The following LIN54 variants were observed in gnomAD, a reference collection of about 807,000 sequenced individuals.
LIN54 encodes the protein protein lin-54 homolog.
A neutral mutation model predicts 78.7 loss-of-function variants in LIN54; 9 were observed. That is an observed-to-expected ratio of 0.11 (90% confidence interval 0.07 to 0.20). The LOEUF is 0.20. Ranked by LOEUF, LIN54 falls within the 10% of genes least tolerant of loss-of-function variation. The pLI, the probability that LIN54 is intolerant of heterozygous loss-of-function variation, is 1.00. For missense variants in LIN54, 573 were observed against 889.9 expected (o/e 0.64, Z 4.53); for synonymous variants, 269 against 318.4 (o/e 0.84, Z 1.65).
chr4:82,990,375 C>G (rs1328708046), intron 1 of LIN54, among the ~76,000 whole-genome samples: 2 of 152,194 alleles, frequency 1.3e-5, no homozygotes, highest in Non-Finnish European at 2.9e-5. Context: ...GTATCAGTTC[C>G]CCCATATCCC....
At chr4:82,940,332 T>C (rs905433854) in intron 5 of LIN54, among the ~76,000 whole-genome samples, 1 of 152,186 alleles carries the variant, frequency 6.6e-6, no homozygotes, top group Non-Finnish European at 1.5e-5. Flanking sequence ...ACAACAGCAC[T>C]CTATACTACT....
chr4:83,004,350 G>C (rs1331687427), intron 1 of LIN54, among the ~76,000 whole-genome samples: 1 of 134,022 alleles, frequency 7.5e-6, no homozygotes, highest in Non-Finnish European at 1.5e-5. Flanking sequence ...AGTGAGCCAA[G>C]ATCGCGCCAC....
chr4:82,974,796 T>G (rs1177299817), intron 3 of LIN54, among the ~76,000 whole-genome samples: 1 of 150,450 alleles, frequency 6.6e-6, no homozygotes, highest in Non-Finnish European at 1.5e-5. Flanking sequence ...GAGGCACAGG[T>G]TGCAGTGAGC....
upstream of LIN54, chr4:83,010,977 G>A: frequency 1.7e-6 from 1 of 578,034 alleles, no homozygotes; most frequent in Non-Finnish European, 2.5e-6. Flanking sequence ...TTCACCCCCG[G>A]GCGGAGCACG....
chr4:82,979,041 T>C (rs754615946), intron 2 of LIN54, 35 bp from the exon 3 acceptor site: 1 of 1,490,666 alleles, frequency 6.7e-7, no homozygotes, highest in Non-Finnish European at 9.1e-7. Flanking sequence ...GACCATCTGT[T>C]TCTATAAAAT....
Position 82,970,851 on chromosome 4 carries a change from T to C in LIN54, c.809-382A>G, listed in dbSNP as rs1053861964. On this transcript the variant is annotated intron_variant, in intron 3 of 12. Coordinates refer to ENST00000340417, the MANE Select transcript of LIN54 (RefSeq NM_194282.4). Reference sequence around the variant, plus strand: ...CTGTATTCTACTATCTATAGCTGTCTTCCCATATGAACTTAAACCATGAAG... The same window carrying C: ...CTGTATTCTACTATCTATAGCTGTCCTCCCATATGAACTTAAACCATGAAG... Among the ~76,000 whole-genome samples, 5 of 152,204 alleles carry C rather than the reference T, an allele frequency of 3.3e-5. No homozygotes were observed. In the South Asian group the frequency reaches 8.3e-4, roughly 25 times the overall value.
rs115823032 is a variant in LIN54, at chr4:82,964,855, T to C, written c.951+5472A>G. Among the ~76,000 whole-genome samples the C allele has an allele frequency of 6.9e-3, 1,056 of 152,116 alleles. 16 individuals are homozygous for C. Among genetic ancestry groups the C allele is most frequent in the African/African-American group, 0.025 (1,017 of 41,502 alleles). Reference sequence around the variant, plus strand: ...GGCGAAACTACATGTCTACTAAAAATATATAAATTAGCCGGGCATGGTGGC... The same window carrying C: ...GGCGAAACTACATGTCTACTAAAAACATATAAATTAGCCGGGCATGGTGGC... On this transcript the variant is annotated intron_variant, in intron 4 of 12. Transcript: ENST00000340417.
chr4:82,963,152 G>A (rs991146290), intron 4 of LIN54, among the ~76,000 whole-genome samples: 4 of 151,986 alleles, frequency 2.6e-5, no homozygotes, highest in Non-Finnish European at 2.9e-5. Flanking sequence ...AAAAATTACA[G>A]TATACTTCTT....
chr4:82,957,779 ATT>A (rs1724448344), intron 4 of LIN54, among the ~76,000 whole-genome samples: 1 of 152,082 alleles, frequency 6.6e-6, no homozygotes, highest in Admixed American at 6.5e-5. Context: ...TTGTGTAATT[ATT>A]TGATTCATTT....
Position 82,928,288 on chromosome 4 carries a change from A to G in LIN54, c.2064T>C (p.Phe688=), listed in dbSNP as rs1179456766. 1.2e-6 allele frequency: 2 copies of G among 1,613,702 alleles called. No individual in the cohort carries two copies. Among genetic ancestry groups the G allele is most frequent in the African/African-American group, 2.7e-5 (2 of 74,920 alleles). Reference sequence around the variant, plus strand: ...TGGCTTCAGCTACTTCCTTAGTTACAAATGTAAATGGCAATCTGAAATGAT... The same window carrying G: ...TGGCTTCAGCTACTTCCTTAGTTACGAATGTAAATGGCAATCTGAAATGAT... The part of the protein sequence containing the change: ...NSGGGKLPFT[F]VTKEVAEATC... Residue 688 remains phenylalanine, a synonymous_variant, in exon 13 of 13, where the codon TTT becomes TTC. Transcript: ENST00000340417.
intron 1 of LIN54, among the ~76,000 whole-genome samples, chr4:82,994,257 C>A (rs557255501): frequency 1.3e-4 from 19 of 151,986 alleles, no homozygotes; most frequent in Non-Finnish European, 2.6e-4. Flanking sequence ...TCTAGCTATG[C>A]TATTATTATT....
intron 1 of LIN54, among the ~76,000 whole-genome samples, chr4:82,994,733 T>G (rs566319231): frequency 6.6e-6 from 1 of 151,966 alleles, no homozygotes; most frequent in Non-Finnish European, 1.5e-5. Context: ...CTGAGGGTAG[T>G]ATTCTATTTA....
At chr4:82,939,054 T>C (rs1363152562) in intron 7 of LIN54, among the ~76,000 whole-genome samples, 1 of 152,218 alleles carries the variant, frequency 6.6e-6, no homozygotes, top group Non-Finnish European at 1.5e-5. Context: ...GTGGGTTTGT[T>C]TCCCCGTCTT....
intron 1 of LIN54, among the ~76,000 whole-genome samples, chr4:82,995,489 C>CTTTTTT (rs749880882): frequency 6.5e-5 from 5 of 76,348 alleles, no homozygotes; most frequent in African/African-American, 2.0e-4. Context: ...ATCCTTATCT[C>CTTTTTT]TTTTTTTTTT....
At chr4:82,948,110 T>C (rs1723551682) in intron 4 of LIN54, among the ~76,000 whole-genome samples, 2 of 152,132 alleles carry the variant, frequency 1.3e-5, no homozygotes, top group Non-Finnish European at 2.9e-5. Context: ...TGTATAAATA[T>C]GGAAGCTACT....
intron 1 of LIN54, among the ~76,000 whole-genome samples, chr4:82,998,061 C>T (rs983634766): frequency 3.6e-5 from 4 of 112,192 alleles, no homozygotes; most frequent in African/African-American, 9.4e-5. Flanking sequence ...TATATATATA[C>T]ACGTATATAT....
At position 82,938,518 on chromosome 4, in the gene LIN54, AAATT is replaced by A. The variant is rs1489000712; in HGVS notation, c.1441-18_1441-15del. 1 of 1,491,806 alleles carries A rather than the reference AAATT, an allele frequency of 6.7e-7. No individual in the cohort carries two copies. The highest frequency in any genetic ancestry group is 9.3e-7 in the Non-Finnish European group (1 of 1,073,814). The allele number at this position is 1,491,806 out of a possible 1,614,324, so 92.4% of individuals were successfully genotyped here. On this transcript the variant is annotated splice_polypyrimidine_tract_variant and intron_variant, in intron 7 of 12. Coordinates refer to ENST00000340417, the MANE Select transcript of LIN54 (RefSeq NM_194282.4). ...AGACTGCTGTAGCTACATGTAAAGA[AAATT>A]AATTTTAGATCATATTTCCAAAAAT... is the stretch of plus-strand genomic sequence containing the variant.
chr4:82,942,840 A>C (rs1723018614), intron 5 of LIN54, among the ~76,000 whole-genome samples: 1 of 150,410 alleles, frequency 6.6e-6, no homozygotes, highest in African/African-American at 2.5e-5. Flanking sequence ...ACACATGCAC[A>C]AATGTGTGCG....
chr4:82,955,759 C>A (rs201369590), intron 4 of LIN54, among the ~76,000 whole-genome samples: 68 of 146,698 alleles, frequency 4.6e-4, no homozygotes, highest in Admixed American at 4.8e-4. Context: ...TATCTCATTA[C>A]AAAAAAAAAA....
Sources: gnomAD v4.1 joint callset for allele counts (sites outside exome capture counted in the v4.1 genomes callset) on GRCh38, gnomAD v4.1.1 for gene constraint, MANE v1.5 for transcripts, NCBI Gene and HGNC (gene_info 2026-07-23, HGNC 2026-07-21) for gene names.